Variants in CXADR observed in about 807,000 individuals in gnomAD.
The protein encoded by CXADR is coxsackievirus and adenovirus receptor.
Under a neutral mutation model 40.3 loss-of-function variants are expected in CXADR, and 20 were observed. The observed-to-expected ratio is 0.50, with a 90% confidence interval of 0.35 to 0.72. The LOEUF is 0.72. Ranked by LOEUF, CXADR falls within the 30% of genes least tolerant of loss-of-function variation. CXADR has a pLI of 0.01. For missense variants in CXADR, 332 were observed against 449.1 expected (o/e 0.74, Z 2.36); for synonymous variants, 150 against 161.3 (o/e 0.93, Z 0.53).
downstream of CXADR, among the ~76,000 whole-genome samples, chr21:17,598,017 A>G (rs1569175263): frequency 6.6e-6 from 1 of 152,198 alleles, no homozygotes; most frequent in Non-Finnish European, 1.5e-5. Flanking sequence ...TGACTTTAAA[A>G]TATCTTTCCT....
At chr21:17,553,035 G>T (rs2060988709) in intron 3 of CXADR, among the ~76,000 whole-genome samples, 1 of 152,218 alleles carries the variant, frequency 6.6e-6, no homozygotes, top group South Asian at 2.1e-4. Flanking sequence ...TGATTCTCTT[G>T]CCTCAGCCTC....
intron 1 of CXADR, among the ~76,000 whole-genome samples, chr21:17,534,108 T>A (rs1345767695): frequency 1.7e-3 from 124 of 73,146 alleles, no homozygotes; most frequent in South Asian, 3.7e-3. Flanking sequence ...ATATTTTTTT[T>A]TTTTTTTTTT....
At chr21:17,524,037 T>C (rs1264172652) in intron 1 of CXADR, among the ~76,000 whole-genome samples, 7 of 144,036 alleles carry the variant, frequency 4.9e-5, no homozygotes, top group Non-Finnish European at 1.5e-5. Flanking sequence ...TTTGTGTGTG[T>C]GTGTGCGTGT....
At chr21:17,516,119 C>T (rs2060459212) in intron 1 of CXADR, among the ~76,000 whole-genome samples, 1 of 152,156 alleles carries the variant, frequency 6.6e-6, no homozygotes, top group Non-Finnish European at 1.5e-5. Flanking sequence ...AGATACTGTT[C>T]TAAGGGCTTT....
intron 1 of CXADR, among the ~76,000 whole-genome samples, chr21:17,546,304 A>C (rs931828074): frequency 2.6e-5 from 4 of 152,210 alleles, no homozygotes; most frequent in African/African-American, 9.7e-5. Flanking sequence ...AGCATGAATT[A>C]ATGTAGCCTT....
At chr21:17,513,664 G>A (rs968689951) in intron 1 of CXADR, among the ~76,000 whole-genome samples, 3 of 152,238 alleles carry the variant, frequency 2.0e-5, no homozygotes, top group African/African-American at 7.2e-5. Flanking sequence ...GCTGCCCGGT[G>A]CCTCGGATCG....
At position 17,568,372 on chromosome 21, in the gene CXADR, C is replaced by T. The variant is rs891603617; in HGVS notation, c.*2680C>T. On this transcript the variant is annotated 3_prime_UTR_variant, in exon 7 of 7. Transcript: ENST00000284878. ...CTCGATCTCCTGACCTCGTGATCTG[C>T]CTGCCTCGGCCTCCCAAAGTGCTGG... 4 of 923,814 alleles carry T rather than the reference C, an allele frequency of 4.3e-6. No individual in the cohort carries two copies. The highest frequency in any genetic ancestry group is 5.2e-6 in the Non-Finnish European group (4 of 774,264). The allele number at this position is 923,814 out of a possible 1,614,324, so 57.2% of individuals were successfully genotyped here. A position where few individuals can be genotyped will look rare whatever the true frequency, so the allele number is the denominator to read the frequency against.
At chr21:17,580,029 TCTA>T (rs2061349488) in intron 7 of CXADR, among the ~76,000 whole-genome samples, 1 of 152,152 alleles carries the variant, frequency 6.6e-6, no homozygotes, top group African/African-American at 2.4e-5. Context: ...TGCTATGTTA[TCTA>T]AGCTGGTCTC....
At chr21:17,545,708 G>A (rs1008708593) in intron 1 of CXADR, among the ~76,000 whole-genome samples, 11 of 150,756 alleles carry the variant, frequency 7.3e-5, no homozygotes, top group Non-Finnish European at 4.4e-5. Flanking sequence ...GGCTTTTTCA[G>A]AAGGGAAATA....
chr21:17,566,293 G>A lies in CXADR; in HGVS notation c.*601G>A. The A allele has an allele frequency of 3.1e-6, 3 of 983,538 alleles. No individual in the cohort carries two copies. The highest frequency in any genetic ancestry group is 3.6e-6 in the Non-Finnish European group (3 of 828,214). 60.9% of individuals were successfully genotyped at this position (983,538 alleles called of 1,614,324 possible). A position where few individuals can be genotyped will look rare whatever the true frequency, so the allele number is the denominator to read the frequency against. On this transcript the variant is annotated 3_prime_UTR_variant, in exon 7 of 7. Coordinates refer to ENST00000284878, the MANE Select transcript of CXADR (RefSeq NM_001338.5). ...TACTTCTAAGTCATTCATAAACCTT[G>A]TCTATGAAATGACTTCTTAAATATT... is the stretch of plus-strand genomic sequence containing the variant.
the CXADR span, chr21:17,611,567 G>A: frequency 6.6e-6 from 1 of 152,226 alleles, no homozygotes. Context: ...GGTGAAAGAG[G>A]GAGAGTTACA....
intron 6 of CXADR, among the ~76,000 whole-genome samples, chr21:17,562,846 A>G (rs1011218326): frequency 4.6e-5 from 7 of 152,084 alleles, no homozygotes; most frequent in East Asian, 1.9e-4. Flanking sequence ...TTAGCTTCCA[A>G]CTTTTCTTCT....
At chr21:17,608,531 A>G in the CXADR span, among the ~76,000 whole-genome samples, 1 of 152,144 alleles carries the variant, frequency 6.6e-6, no homozygotes, top group African/African-American at 2.4e-5. Context: ...CAGGTGTCTG[A>G]TAATCTTAGT....
At chr21:17,542,499 A>G (rs544137479) in intron 1 of CXADR, among the ~76,000 whole-genome samples, 1 of 152,336 alleles carries the variant, frequency 6.6e-6, no homozygotes, top group East Asian at 1.9e-4. Context: ...TATAAGTCAG[A>G]CTGTGCAGAA....
At chr21:17,520,397 G>A (rs1430847107) in intron 1 of CXADR, among the ~76,000 whole-genome samples, 1 of 152,148 alleles carries the variant, frequency 6.6e-6, no homozygotes, top group Non-Finnish European at 1.5e-5. Context: ...TTCTTACAAG[G>A]AAGTCTAGGT....
At chr21:17,605,214 A>G in the CXADR span, 1 of 467,986 alleles carries the variant, frequency 2.1e-6, no homozygotes, top group Non-Finnish European at 3.7e-6. Flanking sequence ...AGCCCAAGGA[A>G]ATCACTAGTA....
chr21:17,536,260 T>A (rs77122585), intron 1 of CXADR, among the ~76,000 whole-genome samples: 1 of 152,232 alleles, frequency 6.6e-6, no homozygotes. Flanking sequence ...CAACTATACA[T>A]AAAGTAGCAT....
chr21:17,605,940 G>A, the CXADR span, among the ~76,000 whole-genome samples: 3 of 152,204 alleles, frequency 2.0e-5, no homozygotes, highest in South Asian at 6.2e-4. Flanking sequence ...CAAGTTAATT[G>A]ATGAATAGTA....
At chr21:17,553,160 T>G (rs2060990766) in intron 3 of CXADR, among the ~76,000 whole-genome samples, 2 of 152,146 alleles carry the variant, frequency 1.3e-5, no homozygotes, top group Non-Finnish European at 2.9e-5. Flanking sequence ...TGACCTCAGG[T>G]GATCCACCCA....
Sources: gnomAD v4.1 joint callset for allele counts (sites outside exome capture counted in the v4.1 genomes callset) on GRCh38, gnomAD v4.1.1 for gene constraint, MANE v1.5 for transcripts, NCBI Gene and HGNC (gene_info 2026-07-23, HGNC 2026-07-21) for gene names.